Variants in NELL1 observed in about 807,000 individuals in gnomAD.
NELL1 encodes the protein neural EGFL like 1, also known as protein kinase C-binding protein NELL1.
Under a neutral mutation model 107.4 loss-of-function variants are expected in NELL1, and 76 were observed. The ratio of observed to expected loss-of-function variants is 0.71; its 90% CI spans 0.59 to 0.86. The LOEUF is 0.86. Ranked by LOEUF, NELL1 falls within the 40% of genes least tolerant of loss-of-function variation. The pLI is 0.00. For missense variants in NELL1, 1,024 were observed against 1,005.5 expected, an observed-to-expected ratio of 1.02 and a Z score of -0.25; for synonymous variants, 353 against 341.2, an observed-to-expected ratio of 1.03 and a Z score of -0.38.
intron 15 of NELL1, among the ~76,000 whole-genome samples, chr11:21,444,651 T>A (rs953278998): frequency 2.0e-5 from 3 of 152,132 alleles, no homozygotes; most frequent in Non-Finnish European, 4.4e-5. Flanking sequence ...ATATTTTGAT[T>A]CAGACATACA....
intron 14 of NELL1, among the ~76,000 whole-genome samples, chr11:21,300,657 TTG>T (rs1380055941): frequency 6.6e-6 from 1 of 151,970 alleles, no homozygotes; most frequent in African/African-American, 2.4e-5. Context: ...TGGTAGAAGC[TTG>T]GGGGAAGGTG....
chr11:21,516,980 G>C (rs758284793), intron 15 of NELL1, among the ~76,000 whole-genome samples: 1 of 151,902 alleles, frequency 6.6e-6, no homozygotes, highest in Non-Finnish European at 1.5e-5. Flanking sequence ...AGTAGAGACG[G>C]GGTTTCACCA....
At chr11:20,895,271 C>CATAA (rs1849705037) in intron 5 of NELL1, among the ~76,000 whole-genome samples, 1 of 10,488 alleles carries the variant, frequency 9.5e-5, no homozygotes, top group Non-Finnish European at 1.8e-4. Context: ...GACTCCGTCT[C>CATAA]AAAAAAAAAA....
At chr11:20,817,069 A>G (rs538854480) in intron 3 of NELL1, among the ~76,000 whole-genome samples, 1 of 152,174 alleles carries the variant, frequency 6.6e-6, no homozygotes, top group African/African-American at 2.4e-5. Flanking sequence ...TTTTACATCT[A>G]TGTTCATCAG....
intron 5 of NELL1, among the ~76,000 whole-genome samples, chr11:20,906,035 A>G (rs1001863733): frequency 6.6e-6 from 1 of 152,174 alleles, no homozygotes; most frequent in African/African-American, 2.4e-5. Flanking sequence ...TTGAGAGCAG[A>G]AAGCAAGACA....
At chr11:21,189,572 G>C (rs1857006446) in intron 13 of NELL1, among the ~76,000 whole-genome samples, 1 of 151,656 alleles carries the variant, frequency 6.6e-6, no homozygotes, top group Non-Finnish European at 1.5e-5. Flanking sequence ...ATATTATAGA[G>C]AGAATATCTA....
intron 2 of NELL1, among the ~76,000 whole-genome samples, chr11:20,732,326 T>C (rs957950573): frequency 1.3e-5 from 2 of 152,232 alleles, no homozygotes; most frequent in Non-Finnish European, 2.9e-5. Context: ...GCTCCATCTT[T>C]AATCCTCACT....
At chr11:21,334,430 C>A (rs1029360644) in intron 14 of NELL1, among the ~76,000 whole-genome samples, 2 of 151,838 alleles carry the variant, frequency 1.3e-5, no homozygotes, top group African/African-American at 4.8e-5. Flanking sequence ...AGGCCACAGG[C>A]TACAGTTTGT....
intron 12 of NELL1, among the ~76,000 whole-genome samples, chr11:21,073,953 G>A (rs909309392): frequency 6.6e-6 from 1 of 152,046 alleles, no homozygotes; most frequent in African/African-American, 2.4e-5. Context: ...TTAAGCTAAA[G>A]AATATAGGAA....
At chr11:21,331,213 G>T (rs936628259) in intron 14 of NELL1, among the ~76,000 whole-genome samples, 1 of 151,734 alleles carries the variant, frequency 6.6e-6, no homozygotes, top group African/African-American at 2.4e-5. Flanking sequence ...CCTTCTCATG[G>T]CACCTCTTGT....
chr11:21,372,587 T>A (rs1206583561), intron 15 of NELL1, among the ~76,000 whole-genome samples: 2 of 151,978 alleles, frequency 1.3e-5, no homozygotes, highest in Non-Finnish European at 2.9e-5. Flanking sequence ...TCACAAAGCC[T>A]GTGTTATCAA....
intron 15 of NELL1, among the ~76,000 whole-genome samples, chr11:21,377,137 A>G (rs1851499691): frequency 6.6e-6 from 1 of 152,036 alleles, no homozygotes. Flanking sequence ...CTCAAGGGGA[A>G]TGCTTCCAGT....
At chr11:20,754,217 T>C (rs1033704878) in intron 2 of NELL1, among the ~76,000 whole-genome samples, 1 of 152,216 alleles carries the variant, frequency 6.6e-6, no homozygotes, top group Non-Finnish European at 1.5e-5. Flanking sequence ...GACTAAGTTA[T>C]CTATTGCTAT....
chr11:21,068,721 G>A (rs1052959775), intron 12 of NELL1, among the ~76,000 whole-genome samples: 1 of 152,296 alleles, frequency 6.6e-6, no homozygotes, highest in Admixed American at 6.5e-5. Context: ...TTAGATTCAG[G>A]ATCCCAAGTG....
chr11:21,391,301 C>A (rs1488561965), intron 15 of NELL1, among the ~76,000 whole-genome samples: 1 of 151,596 alleles, frequency 6.6e-6, no homozygotes, highest in African/African-American at 2.4e-5. Flanking sequence ...TTTTTTCATC[C>A]TCAGGAAATT....
chr11:21,014,238 C>T lies in NELL1; in HGVS notation c.1300+53678C>T, dbSNP rs76057197. Among the ~76,000 whole-genome samples the T allele has an allele frequency of 1.5e-3, 235 of 152,170 alleles. 6 individuals carry two copies. The East Asian group carries it at 0.038, about 25-fold the overall frequency. The stretch of plus-strand genomic sequence containing the variant: ...ACTCTTACTGCCTTTGACTATGACT[C>T]GATGCTTCCACTTGGCAGATTGCAT... On this transcript the variant is annotated intron_variant, in intron 12 of 19. Coordinates refer to ENST00000357134, the MANE Select transcript of NELL1 (RefSeq NM_006157.5).
chr11:21,219,034 T>C (rs1210096928), intron 13 of NELL1, among the ~76,000 whole-genome samples: 1 of 152,186 alleles, frequency 6.6e-6, no homozygotes, highest in Non-Finnish European at 1.5e-5. Context: ...ACAGTGGTTC[T>C]ATTTTTAGTT....
chr11:21,156,061 CA>C (rs1386538278), intron 13 of NELL1, among the ~76,000 whole-genome samples: 2 of 151,966 alleles, frequency 1.3e-5, no homozygotes, highest in Non-Finnish European at 1.5e-5. Context: ...GTAGTTGGGA[CA>C]GGGGGCAGGA....
intron 5 of NELL1, among the ~76,000 whole-genome samples, chr11:20,904,047 T>C (rs1156607301): frequency 1.3e-5 from 2 of 152,184 alleles, no homozygotes; most frequent in East Asian, 3.9e-4. Context: ...CACAAATTAT[T>C]TTGCATATCT....
Sources: gnomAD v4.1 joint callset for allele counts (sites outside exome capture counted in the v4.1 genomes callset) on GRCh38, gnomAD v4.1.1 for gene constraint, MANE v1.5 for transcripts, NCBI Gene and HGNC (gene_info 2026-07-23, HGNC 2026-07-21) for gene names.